Variants in ADGRB3 observed in about 807,000 individuals in gnomAD.
ADGRB3 encodes adhesion G protein-coupled receptor B3.
ADGRB3 carries 37 observed loss-of-function variants against 193.4 expected under a neutral mutation model. The ratio of observed to expected loss-of-function variants is 0.19; its 90% confidence interval spans 0.15 to 0.25. The LOEUF is 0.25. ADGRB3 is among the 10% of genes least tolerant of loss of function. ADGRB3 has a pLI of 1.00. For synonymous variants in ADGRB3, 690 were observed against 644.2 expected, an observed-to-expected ratio of 1.07 and a Z score of -1.08; for missense variants, 1,637 against 1,852.9, an observed-to-expected ratio of 0.88 and a Z score of 2.14.
chr6:68,751,718 A>G (rs1396519303), intron 3 of ADGRB3, among the ~76,000 whole-genome samples: 1 of 152,204 alleles, frequency 6.6e-6, no homozygotes, highest in Non-Finnish European at 1.5e-5. Flanking sequence ...ATTTGTAGCC[A>G]TCATAATTGT....
intron 20 of ADGRB3, among the ~76,000 whole-genome samples, chr6:69,257,350 G>A (rs946918860): frequency 2.0e-5 from 3 of 152,072 alleles, no homozygotes; most frequent in African/African-American, 7.2e-5. Context: ...TTTTTGGTTG[G>A]TAAGCTATTG....
chr6:68,921,730 T>C (rs1434722482), intron 3 of ADGRB3, among the ~76,000 whole-genome samples: 7 of 151,412 alleles, frequency 4.6e-5, no homozygotes, highest in Non-Finnish European at 1.0e-4. Flanking sequence ...AAATATATAA[T>C]ATAAGAATAG....
At chr6:68,672,550 C>G (rs1768990660) in intron 3 of ADGRB3, among the ~76,000 whole-genome samples, 1 of 151,584 alleles carries the variant, frequency 6.6e-6, no homozygotes, top group Non-Finnish European at 1.5e-5. Flanking sequence ...TTTTATATTC[C>G]AAGAAATATC....
chr6:69,019,482 C>T (rs1381628786), intron 13 of ADGRB3, among the ~76,000 whole-genome samples: 1 of 151,814 alleles, frequency 6.6e-6, no homozygotes, highest in Non-Finnish European at 1.5e-5. Context: ...TCATTTTATA[C>T]TTAATTTCTT....
At chr6:69,207,859 G>A (rs934556752) in intron 17 of ADGRB3, among the ~76,000 whole-genome samples, 2 of 152,224 alleles carry the variant, frequency 1.3e-5, no homozygotes, top group Non-Finnish European at 2.9e-5. Flanking sequence ...AAGGCATTCT[G>A]TGAGTCCACA....
chr6:69,082,281 T>C (rs1357587517), intron 17 of ADGRB3, among the ~76,000 whole-genome samples: 1 of 151,994 alleles, frequency 6.6e-6, no homozygotes, highest in African/African-American at 2.4e-5. Context: ...TTGAAGTAAA[T>C]GAATGAAATA....
chr6:69,355,417 A>C (rs1561997266), intron 27 of ADGRB3, among the ~76,000 whole-genome samples: 2 of 152,188 alleles, frequency 1.3e-5, no homozygotes, highest in Non-Finnish European at 2.9e-5. Context: ...CATTACAAGC[A>C]ATATATTCAA....
At chr6:69,260,693 C>A (rs545070780) in intron 20 of ADGRB3, among the ~76,000 whole-genome samples, 1 of 152,178 alleles carries the variant, frequency 6.6e-6, no homozygotes, top group Non-Finnish European at 1.5e-5. Flanking sequence ...TCTTTAGTTC[C>A]CATATAGCTC....
chr6:69,259,716 A>AC (rs1766878372), intron 20 of ADGRB3, among the ~76,000 whole-genome samples: 1 of 151,704 alleles, frequency 6.6e-6, no homozygotes, highest in African/African-American at 2.4e-5. Flanking sequence ...AAAAAAAAAA[A>AC]AATTCTAAAA....
At chr6:69,064,170 C>T (rs1383185015) in intron 16 of ADGRB3, among the ~76,000 whole-genome samples, 3 of 151,934 alleles carry the variant, frequency 2.0e-5, no homozygotes, top group Admixed American at 1.3e-4. Context: ...ATCACCTTTT[C>T]TGTGAATCAC....
chr6:68,678,825 T>C (rs1764823994), intron 3 of ADGRB3, among the ~76,000 whole-genome samples: 1 of 152,160 alleles, frequency 6.6e-6, no homozygotes, highest in Admixed American at 6.5e-5. Context: ...AGTGAAACTC[T>C]TGAATTTAAT....
chr6:69,039,194 A>G (rs1344543698), intron 13 of ADGRB3, among the ~76,000 whole-genome samples: 8 of 152,144 alleles, frequency 5.3e-5, no homozygotes, highest in Admixed American at 5.2e-4. Context: ...TGCCAAAGAG[A>G]AAGAACAAAG....
chr6:69,011,394 A>G (rs1458035950), intron 11 of ADGRB3, among the ~76,000 whole-genome samples: 2 of 152,118 alleles, frequency 1.3e-5, no homozygotes, highest in East Asian at 1.9e-4. Flanking sequence ...CAAATACTGC[A>G]TGTTCTCACT....
intron 17 of ADGRB3, among the ~76,000 whole-genome samples, chr6:69,178,213 T>C (rs547910085): frequency 6.6e-6 from 1 of 151,820 alleles, no homozygotes; most frequent in South Asian, 2.1e-4. Flanking sequence ...TTACTTTGGT[T>C]GGTTTAAAGT....
chr6:69,039,621 C>T (rs1193834263), intron 13 of ADGRB3, among the ~76,000 whole-genome samples: 1 of 151,928 alleles, frequency 6.6e-6, no homozygotes, highest in African/African-American at 2.4e-5. Flanking sequence ...AATATTTATT[C>T]ATGAATGGGC....
At chr6:68,745,287 A>G (rs1282383462) in intron 3 of ADGRB3, among the ~76,000 whole-genome samples, 1 of 152,212 alleles carries the variant, frequency 6.6e-6, no homozygotes, top group Non-Finnish European at 1.5e-5. Flanking sequence ...AAATTCTGTC[A>G]TAAGCAACAA....
intron 11 of ADGRB3, among the ~76,000 whole-genome samples, chr6:69,005,977 G>A (rs1184530977): frequency 6.6e-6 from 1 of 152,098 alleles, no homozygotes; most frequent in African/African-American, 2.4e-5. Context: ...TGTGCTGCTT[G>A]GATAAACATT....
Position 69,028,836 on chromosome 6 carries a change from TTTTA to T in ADGRB3, c.2107+10341_2107+10344del, listed in dbSNP as rs1242878125. Among the ~76,000 whole-genome samples the T allele has an allele frequency of 2.0e-5, 3 of 152,300 alleles. No individual in the cohort carries two copies. In the East Asian group the frequency reaches 5.8e-4, roughly 29 times the overall value. On this transcript the variant is annotated intron_variant, in intron 13 of 31. Transcript: ENST00000370598. ...TTGAGTACAACATAAAGAAAGATAT[TTTTA>T]TTTGTTTTTTCCCCTTTTATTCCTC...
chr6:68,736,323 AT>A (rs1215812312), intron 3 of ADGRB3, among the ~76,000 whole-genome samples: 1 of 152,174 alleles, frequency 6.6e-6, no homozygotes, highest in Non-Finnish European at 1.5e-5. Flanking sequence ...CAGCCAGAAA[AT>A]AATTCTTTAA....
Sources: gnomAD v4.1 joint callset for allele counts (sites outside exome capture counted in the v4.1 genomes callset) on GRCh38, gnomAD v4.1.1 for gene constraint, MANE v1.5 for transcripts, NCBI Gene and HGNC (gene_info 2026-07-23, HGNC 2026-07-21) for gene names.